TSPAN18: variants seen among roughly 807,000 people sequenced by gnomAD.
The protein encoded by TSPAN18 is tetraspanin-18.
A neutral mutation model predicts 27.3 loss-of-function variants in TSPAN18; 14 were observed. That is an observed-to-expected ratio of 0.51 (90% confidence interval 0.34 to 0.80). The LOEUF is 0.80. TSPAN18 is among the 30% of genes least tolerant of loss of function. The pLI, the probability that TSPAN18 is intolerant of heterozygous loss-of-function variation, is 0.01. For missense variants in TSPAN18, 268 were observed against 323.9 expected (o/e 0.83, Z 1.32); for synonymous variants, 143 against 136.5 (o/e 1.05, Z -0.33).
intron 3 of TSPAN18, among the ~76,000 whole-genome samples, chr11:44,874,743 A>G (rs1858284370): frequency 6.6e-6 from 1 of 152,284 alleles, no homozygotes; most frequent in East Asian, 1.9e-4. Flanking sequence ...GGCAGTTCCC[A>G]GTGGGGAAGC....
chr11:44,929,708 A>G lies in TSPAN18; in HGVS notation c.*530A>G, dbSNP rs1336602107. ...CTGTTCCCCCCTTCAGGCCGGGGCC[A>G]AGAGTGAGCTGCTAACACGGCATCC... On this transcript the variant is annotated 3_prime_UTR_variant, in exon 10 of 10. Coordinates refer to ENST00000520358, the MANE Select transcript of TSPAN18 (RefSeq NM_130783.5). 6.5e-6 allele frequency: 1 copy of G among 154,224 alleles called. No homozygotes were observed. The highest frequency in any genetic ancestry group is 1.4e-5 in the Non-Finnish European group (1 of 69,484). The allele number at this position is 154,224 out of a possible 1,614,324, so 9.6% of individuals were successfully genotyped here. A position where few individuals can be genotyped will look rare whatever the true frequency, so the allele number is the denominator to read the frequency against.
chr11:44,910,448 AGTGG>A (rs2135341331), intron 5 of TSPAN18, among the ~76,000 whole-genome samples: 1 of 152,352 alleles, frequency 6.6e-6, no homozygotes, highest in East Asian at 1.9e-4. Context: ...CCGTGCCTGC[AGTGG>A]GTGAGCTGGC....
chr11:44,798,153 G>A (rs940038527), intron 2 of TSPAN18, among the ~76,000 whole-genome samples: 13 of 152,132 alleles, frequency 8.5e-5, no homozygotes, highest in African/African-American at 2.7e-4. Flanking sequence ...AGAGAGGCCC[G>A]TGCCCTCCCA....
At chr11:44,783,814 G>T (rs972833962) in intron 2 of TSPAN18, among the ~76,000 whole-genome samples, 1 of 152,186 alleles carries the variant, frequency 6.6e-6, no homozygotes, top group Non-Finnish European at 1.5e-5. Context: ...GTCATGGCCT[G>T]TCAGTCCCTC....
At chr11:44,768,575 A>G (rs148410174) in intron 2 of TSPAN18, among the ~76,000 whole-genome samples, 108 of 152,134 alleles carry the variant, frequency 7.1e-4, no homozygotes, top group Non-Finnish European at 1.4e-3. Context: ...TTCCTTCTCA[A>G]TCTGTATGCC....
At chr11:44,800,006 G>GTTTTTTTT (rs60067559) in intron 2 of TSPAN18, among the ~76,000 whole-genome samples, 1,796 of 108,318 alleles carry the variant, frequency 0.017, no homozygotes, top group Non-Finnish European at 0.023. Flanking sequence ...AATTTTTTGT[G>GTTTTTTTT]TTTTTTTTTT....
intron 2 of TSPAN18, among the ~76,000 whole-genome samples, chr11:44,837,094 G>T (rs1461237215): frequency 6.6e-6 from 1 of 152,216 alleles, no homozygotes; most frequent in East Asian, 1.9e-4. Context: ...GATTTTGTAA[G>T]GCTATAGCAG....
intron 3 of TSPAN18, among the ~76,000 whole-genome samples, chr11:44,890,235 G>T (rs1858798079): frequency 6.6e-6 from 1 of 152,174 alleles, no homozygotes; most frequent in Non-Finnish European, 1.5e-5. Context: ...TCATTCTGGG[G>T]TCCATGTATT....
chr11:44,846,647 C>G (rs1857491740), intron 2 of TSPAN18, among the ~76,000 whole-genome samples: 1 of 151,034 alleles, frequency 6.6e-6, no homozygotes, highest in Non-Finnish European at 1.5e-5. Context: ...TGCACCTGTG[C>G]TGGGGCCAAC....
intron 3 of TSPAN18, chr11:44,886,386 T>C (rs835771): frequency 0.13 from 19,109 of 152,192 alleles, 1,437 homozygotes; most frequent in East Asian, 0.17. Context: ...TAAAATCAAA[T>C]GCGCGCCACT....
intron 3 of TSPAN18, among the ~76,000 whole-genome samples, chr11:44,882,460 C>T (rs752471230): frequency 5.9e-5 from 9 of 152,134 alleles, no homozygotes; most frequent in Non-Finnish European, 1.3e-4. Context: ...CTCTGGGGGT[C>T]ATAGTCCCAG....
intron 5 of TSPAN18, among the ~76,000 whole-genome samples, chr11:44,914,453 A>G: frequency 6.6e-6 from 1 of 152,174 alleles, no homozygotes; most frequent in South Asian, 2.1e-4. Context: ...TGCATTCATG[A>G]TCCAGTGGGA....
intron 4 of TSPAN18, among the ~76,000 whole-genome samples, chr11:44,907,080 G>A (rs1289850132): frequency 1.3e-5 from 2 of 152,204 alleles, no homozygotes; most frequent in Admixed American, 6.5e-5. Context: ...TACCCTGGAT[G>A]TGGGCAGTCC....
chr11:44,868,333 C>T (rs1858095595), intron 3 of TSPAN18, among the ~76,000 whole-genome samples: 1 of 152,218 alleles, frequency 6.6e-6, no homozygotes, highest in Non-Finnish European at 1.5e-5. Flanking sequence ...ACCATCTGCA[C>T]ATCTGGGTGC....
In TSPAN18 at chr11:44,919,907, G is replaced by T. The variant is rs1490101247; in HGVS notation, c.523G>T (p.Ala175Ser). ...LTLDSEEVPE[A>S]CCRREPQSRD... ...CCTGGATAGTGAAGAGGTGCCGGAG[G>T]CCTGCTGCCGGAGGGAACCCCAAAG... Residue 175 changes from alanine to serine, a missense_variant, in exon 8 of 10, where the codon GCC becomes TCC. Physicochemically the swap from Ala to Ser is moderately conservative, Grantham distance 99. Coordinates refer to ENST00000520358, the MANE Select transcript of TSPAN18 (RefSeq NM_130783.5). 6.2e-7 allele frequency: 1 copy of T among 1,614,114 alleles called. No homozygotes were observed.
rs993276865 is a variant in TSPAN18 at position 44,931,135 on chromosome 11, T to A, written c.*1957T>A. On this transcript the variant is annotated 3_prime_UTR_variant, in exon 10 of 10. Coordinates refer to ENST00000520358, the MANE Select transcript of TSPAN18 (RefSeq NM_130783.5). ...AGCTCAGTGTTACCAAATTCGCCCT[T>A]TAACAGCTTGCTCTGGCAACCCCAT... is the stretch of plus-strand genomic sequence containing the variant. The A allele has an allele frequency of 1.1e-5, 4 of 355,438 alleles. No individual in the cohort carries two copies. The highest frequency in any genetic ancestry group is 8.6e-5 in the African/African-American group (4 of 46,758). The allele number at this position is 355,438 out of a possible 1,614,324, so 22.0% of individuals were successfully genotyped here.
intron 2 of TSPAN18, among the ~76,000 whole-genome samples, chr11:44,811,618 C>T (rs1009985487): frequency 1.3e-5 from 2 of 152,098 alleles, no homozygotes; most frequent in Admixed American, 1.3e-4. Context: ...CGCCACCACA[C>T]CTGGCTAATT....
At chr11:44,920,364 A>T (rs966342764) in intron 8 of TSPAN18, among the ~76,000 whole-genome samples, 3 of 152,210 alleles carry the variant, frequency 2.0e-5, no homozygotes, top group Admixed American at 2.0e-4. Flanking sequence ...GGCCCTTCTT[A>T]GCCATGCACT....
chr11:44,791,364 G>A (rs1263341882), intron 2 of TSPAN18, among the ~76,000 whole-genome samples: 1 of 152,198 alleles, frequency 6.6e-6, no homozygotes, highest in East Asian at 1.9e-4. Flanking sequence ...ATAACTTTAT[G>A]CACAAGTTTG....
Sources: gnomAD v4.1 joint callset for allele counts (sites outside exome capture counted in the v4.1 genomes callset) on GRCh38, gnomAD v4.1.1 for gene constraint, MANE v1.5 for transcripts, NCBI Gene and HGNC (gene_info 2026-07-23, HGNC 2026-07-21) for gene names.